Variants in ASAP1 observed in about 807,000 individuals in gnomAD.
ASAP1 encodes the protein ArfGAP with SH3 domain, ankyrin repeat and PH domain 1.
In ASAP1, 43 loss-of-function variants were observed where a neutral mutation model predicts 145.2. The observed-to-expected ratio is 0.30, with a 90% CI of 0.23 to 0.38. The LOEUF (loss-of-function observed/expected upper bound fraction) is 0.38, where lower values mean the gene tolerates loss of function less well. ASAP1 is among the 10% of genes least tolerant of loss of function. ASAP1 has a pLI of 1.00. For synonymous variants in ASAP1, 546 were observed against 515.5 expected (o/e 1.06, Z -0.80); for missense variants, 1,018 against 1,355.3 (o/e 0.75, Z 3.91).
chr8:130,074,512 G>A (rs550686703), intron 27 of ASAP1, among the ~76,000 whole-genome samples: 3 of 151,586 alleles, frequency 2.0e-5, no homozygotes, highest in South Asian at 2.1e-4. Flanking sequence ...AGAGCAACGG[G>A]GTGGTGGTAG....
chr8:130,259,461 G>A (rs1016848656), intron 3 of ASAP1, among the ~76,000 whole-genome samples: 4 of 152,184 alleles, frequency 2.6e-5, no homozygotes, highest in Admixed American at 6.6e-5. Flanking sequence ...CACCCTGGAT[G>A]CAAGGTCTCT....
Position 130,177,966 on chromosome 8 carries a change from A to G in ASAP1, c.746+1298T>C, listed in dbSNP as rs77456064. On this transcript the variant is annotated intron_variant, in intron 9 of 29. Transcript: ENST00000518721. ...TTGACGAGTGAGTATACTGAGGTTT[A>G]GTGAAGTACCTGATTAAGAATACAG... Among the ~76,000 whole-genome samples the G allele has an allele frequency of 7.3e-3, 1,105 of 152,328 alleles. 17 individuals are homozygous for G. Among genetic ancestry groups the G allele is most frequent in the African/African-American group, 0.025 (1,059 of 41,564 alleles).
rs73427327 is a variant in ASAP1 at position 130,227,822 on chromosome 8, G to A, written c.259+9100C>T. ...GTTTTAAGTTCAGATAACGTGTGTCGTCGTTCTGAGGCTTACTAAGGGGTC... is the reference window on the plus strand; with the variant it reads ...GTTTTAAGTTCAGATAACGTGTGTCATCGTTCTGAGGCTTACTAAGGGGTC... On this transcript the variant is annotated intron_variant, in intron 4 of 29. Coordinates refer to ENST00000518721, the MANE Select transcript of ASAP1 (RefSeq NM_018482.4). Among the ~76,000 whole-genome samples the A allele has an allele frequency of 8.4e-3, 1,274 of 152,046 alleles. 15 individuals carry two copies. Among genetic ancestry groups the A allele is most frequent in the African/African-American group, 0.029 (1,222 of 41,484 alleles).
intron 4 of ASAP1, among the ~76,000 whole-genome samples, chr8:130,236,172 C>T (rs1818203310): frequency 6.6e-6 from 1 of 152,062 alleles, no homozygotes; most frequent in South Asian, 2.1e-4. Flanking sequence ...TTACAGACCA[C>T]TGATTTCCTA....
chr8:130,390,933 T>TC (rs35020130), intron 2 of ASAP1, among the ~76,000 whole-genome samples: 7,659 of 130,770 alleles, frequency 0.059, 367 homozygotes, highest in African/African-American at 0.13. Flanking sequence ...TGGGTATATA[T>TC]CCCCCGCCCC....
At chr8:130,415,578 A>T (rs1829441406) in intron 1 of ASAP1, among the ~76,000 whole-genome samples, 1 of 152,316 alleles carries the variant, frequency 6.6e-6, no homozygotes, top group Middle Eastern at 3.4e-3. Context: ...ACCTGAGGTC[A>T]GGAGTTCAAG....
At chr8:130,107,516 ATGTAT>A (rs1564965994) in intron 24 of ASAP1, among the ~76,000 whole-genome samples, 1 of 81,874 alleles carries the variant, frequency 1.2e-5, no homozygotes, top group African/African-American at 7.0e-5. Context: ...TTTTTAAAAA[ATGTAT>A]GTATGTATGT....
chr8:130,436,421 G>A (rs549313711), intron 1 of ASAP1, among the ~76,000 whole-genome samples: 310 of 152,138 alleles, frequency 2.0e-3, no homozygotes, highest in African/African-American at 7.2e-3. Context: ...TCAGCCTCCC[G>A]AGTAGCTGGG....
intron 3 of ASAP1, among the ~76,000 whole-genome samples, chr8:130,295,100 C>T (rs1048930879): frequency 6.6e-6 from 1 of 151,864 alleles, no homozygotes; most frequent in Non-Finnish European, 1.5e-5. Flanking sequence ...CCAGTCTCTA[C>T]AAAATAATAA....
At chr8:130,108,963 C>T (rs866271568) in intron 24 of ASAP1, among the ~76,000 whole-genome samples, 7 of 151,468 alleles carry the variant, frequency 4.6e-5, no homozygotes, top group African/African-American at 7.3e-5. Context: ...TTAGTAGAGA[C>T]GGGGTTTCTC....
chr8:130,066,977 T>C (rs2097432222), intron 27 of ASAP1, among the ~76,000 whole-genome samples: 1 of 152,212 alleles, frequency 6.6e-6, no homozygotes, highest in African/African-American at 2.4e-5. Flanking sequence ...CCTGGCTCAC[T>C]CTGCCAAAGC....
Position 130,436,674 on chromosome 8 carries a change from T to C in ASAP1, c.-28+6786A>G, listed in dbSNP as rs542017742. On this transcript the variant is annotated intron_variant, in intron 1 of 29. Coordinates refer to ENST00000518721, the MANE Select transcript of ASAP1 (RefSeq NM_018482.4). Reference sequence around the variant, plus strand: ...ATGAATAACCAGGCAAGGTGGCTCATGCTGGTAATCCCAGCAACTTGGGAG... The same window carrying C: ...ATGAATAACCAGGCAAGGTGGCTCACGCTGGTAATCCCAGCAACTTGGGAG... Among the ~76,000 whole-genome samples the C allele has an allele frequency of 2.6e-5, 4 of 152,328 alleles. No individual in the cohort carries two copies. In the South Asian group the frequency reaches 8.3e-4, roughly 32 times the overall value.
rs561328479 is a variant in ASAP1, at chr8:130,140,371, A to T, written c.1081-3333T>A. On this transcript the variant is annotated intron_variant, in intron 13 of 29. Transcript: ENST00000518721. ...TTCTTTCTTTCTTTCTTTTTTTTTT[A>T]AAAAAAAACTTTTAGGTTTGGGGGT... 2.9e-3 allele frequency among the ~76,000 whole-genome samples: 436 copies of T among 149,022 alleles called. 2 individuals carry two copies. Among genetic ancestry groups the T allele is most frequent in the African/African-American group, 7.3e-3 (296 of 40,528 alleles).
chr8:130,401,370 C>T (rs1828789194), intron 2 of ASAP1, among the ~76,000 whole-genome samples: 1 of 152,046 alleles, frequency 6.6e-6, no homozygotes. Flanking sequence ...CTCAACCTCC[C>T]GAGTAGCTGA....
At chr8:130,306,909 C>T (rs947347983) in intron 3 of ASAP1, among the ~76,000 whole-genome samples, 1 of 152,222 alleles carries the variant, frequency 6.6e-6, no homozygotes, top group Non-Finnish European at 1.5e-5. Context: ...ATGTTTCCTT[C>T]ACTCCACCCA....
chr8:130,182,709 G>A (rs759369893), intron 7 of ASAP1, among the ~76,000 whole-genome samples: 1 of 151,924 alleles, frequency 6.6e-6, no homozygotes, highest in Non-Finnish European at 1.5e-5. Flanking sequence ...AATAACAAAA[G>A]GGGGAGGGTT....
intron 3 of ASAP1, among the ~76,000 whole-genome samples, chr8:130,321,520 A>G (rs1160383206): frequency 6.6e-6 from 1 of 152,162 alleles, no homozygotes; most frequent in Admixed American, 6.5e-5. Context: ...CTAGATGGAA[A>G]TCTCCAGCTT....
chr8:130,436,346 G>A (rs1830311863), intron 1 of ASAP1, among the ~76,000 whole-genome samples: 1 of 152,216 alleles, frequency 6.6e-6, no homozygotes, highest in Non-Finnish European at 1.5e-5. Context: ...CCAGGCTGGA[G>A]TGCAGTGGCA....
At chr8:130,405,597 T>C (rs1270428753) in intron 1 of ASAP1, among the ~76,000 whole-genome samples, 1 of 152,144 alleles carries the variant, frequency 6.6e-6, no homozygotes, top group Non-Finnish European at 1.5e-5. Context: ...AGCCCTCAGG[T>C]TTATGAAATG....
Sources: allele counts gnomAD v4.1 joint callset (sites outside exome capture counted in the v4.1 genomes callset), GRCh38; gene constraint gnomAD v4.1.1; transcripts MANE v1.5; gene names NCBI Gene and HGNC (gene_info 2026-07-23, HGNC 2026-07-21).